ANK1: variants seen among roughly 807,000 people sequenced by gnomAD.
ANK1 encodes the protein ankyrin 1, also known as ankyrin-1.
ANK1 carries 51 observed loss-of-function variants against 210.4 expected under a neutral mutation model. The observed-to-expected ratio is 0.24, with a 90% CI of 0.19 to 0.31. ANK1 has a LOEUF of 0.31. Among genes scored for constraint, ANK1 ranks in the 10% least tolerant of loss-of-function variants. The pLI is 1.00. For synonymous variants in ANK1, 967 were observed against 1,025.9 expected (o/e 0.94, Z 1.10); for missense variants, 2,051 against 2,504.4 (o/e 0.82, Z 3.86).
Position 41,688,566 on chromosome 8 carries a change from TCTC to T in ANK1, c.4125_4127del (p.Arg1377del), listed in dbSNP as rs570599290. ...GCAGGGCCAGGGGCGTCGGGGTCCTTCTCCTATCTTCGGCTCCACTTCCCTGCA... is the reference window on the plus strand; with the variant it reads ...GCAGGGCCAGGGGCGTCGGGGTCCTTCTATCTTCGGCTCCACTTCCCTGCA... On this transcript the variant is annotated inframe_deletion, in exon 34 of 43. Coordinates refer to ENST00000289734, the MANE Select transcript of ANK1 (RefSeq NM_000037.4). The T allele has an allele frequency of 1.1e-5, 17 of 1,614,014 alleles. No individual in the cohort carries two copies. The South Asian group carries it at 1.9e-4, about 18-fold the overall frequency.
intron 20 of ANK1, 91 bp downstream of exon 20, chr8:41,703,950 A>T: frequency 8.2e-7 from 1 of 1,224,896 alleles, no homozygotes; most frequent in Non-Finnish European, 1.2e-6. Flanking sequence ...GGCCCTAGAC[A>T]CGTGCATTAA....
chr8:41,724,873 A>C (rs1830276486), intron 6 of ANK1, among the ~76,000 whole-genome samples: 1 of 152,076 alleles, frequency 6.6e-6, no homozygotes, highest in African/African-American at 2.4e-5. Flanking sequence ...TTTTCCTCCC[A>C]TTTAGACAGG....
chr8:41,827,734 C>CCG (rs1805670216), intron 1 of ANK1, among the ~76,000 whole-genome samples: 2 of 147,892 alleles, frequency 1.4e-5, no homozygotes, highest in African/African-American at 5.0e-5. Context: ...TCACACACAT[C>CCG]CACACACGCA....
intron 1 of ANK1, among the ~76,000 whole-genome samples, chr8:41,862,186 A>C (rs1310805318): frequency 6.6e-6 from 1 of 152,214 alleles, no homozygotes; most frequent in Non-Finnish European, 1.5e-5. Flanking sequence ...CTAGATACAG[A>C]TATACATGAA....
intron 1 of ANK1, among the ~76,000 whole-genome samples, chr8:41,821,274 AAAAT>A (rs1189194260): frequency 2.0e-5 from 3 of 152,234 alleles, no homozygotes; most frequent in African/African-American, 4.8e-5. Flanking sequence ...ATGATATCAA[AAAAT>A]AAATATATAT....
In ANK1 at chr8:41,725,847, C is replaced by T; in HGVS notation, c.526G>A (p.Ala176Thr). 1 of 1,611,944 alleles carries T rather than the reference C, an allele frequency of 6.2e-7. No individual in the cohort carries two copies. Reference protein sequence around the residue: ...YGTKGKVRLPALHIAARNDDT... With the variant: ...YGTKGKVRLPTLHIAARNDDT... ...TCGTTGCGGGCCGCGATGTGCAGGG[C>T]CGGGAGGCGCACCTTCCCCTTGGTG... The change falls in exon 6 of 43, where the codon GCC (alanine) becomes ACC (threonine). Residue 176 changes from alanine to threonine, a missense_variant. Physicochemically the swap from Ala to Thr is moderately conservative, Grantham distance 58. Coordinates refer to ENST00000289734, the MANE Select transcript of ANK1 (RefSeq NM_000037.4).
At chr8:41,748,902 G>A (rs1337970412) in intron 2 of ANK1, among the ~76,000 whole-genome samples, 1 of 152,102 alleles carries the variant, frequency 6.6e-6, no homozygotes, top group Non-Finnish European at 1.5e-5. Context: ...GGGCGTGGTG[G>A]CGGGCACCTG....
intron 1 of ANK1, among the ~76,000 whole-genome samples, chr8:41,802,979 A>AAGAAAGAGAGAAAGAG (rs1400790993): frequency 4.3e-5 from 4 of 92,744 alleles, no homozygotes; most frequent in African/African-American, 7.0e-5. Flanking sequence ...GAGATGAAAA[A>AAGAAAGAGAGAAAGAG]AGAAAGAGAG....
chr8:41,735,501 A>C (rs1355981758), intron 2 of ANK1, among the ~76,000 whole-genome samples: 1 of 151,972 alleles, frequency 6.6e-6, no homozygotes, highest in African/African-American at 2.4e-5. Flanking sequence ...GCTCCAGTTC[A>C]TGAAACAGAT....
chr8:41,836,454 A>G (rs769941343), intron 1 of ANK1, among the ~76,000 whole-genome samples: 60 of 152,330 alleles, frequency 3.9e-4, no homozygotes, highest in Middle Eastern at 6.8e-3. Context: ...CCCTGCTGTG[A>G]GCACAGCCGT....
chr8:41,723,784 T>G (rs922742273), intron 7 of ANK1, 151 bp from the exon 8 acceptor site: 20 of 509,342 alleles, frequency 3.9e-5, no homozygotes, highest in African/African-American at 3.8e-4. Context: ...TATTTTTTTT[T>G]ATTTTTTATT....
chr8:41,729,491 A>G (rs1831560193), intron 3 of ANK1, among the ~76,000 whole-genome samples: 1 of 152,108 alleles, frequency 6.6e-6, no homozygotes, highest in South Asian at 2.1e-4. Flanking sequence ...CCTGGGCTCA[A>G]GCGATCCTCC....
At chr8:41,733,101 A>G (rs907781180) in intron 3 of ANK1, among the ~76,000 whole-genome samples, 2 of 152,244 alleles carry the variant, frequency 1.3e-5, no homozygotes, top group African/African-American at 4.8e-5. Flanking sequence ...ATGTCAGGTA[A>G]AAAATGAAAC....
intron 1 of ANK1, among the ~76,000 whole-genome samples, chr8:41,834,381 G>T (rs1807231016): frequency 6.6e-6 from 1 of 152,264 alleles, no homozygotes; most frequent in Admixed American, 6.5e-5. Context: ...CAGCAAGCTG[G>T]CTAGGAGCAG....
At chr8:41,695,399 G>A (rs761096338) in intron 26 of ANK1, 68 bp from the exon 27 acceptor site, 12 of 1,594,400 alleles carry the variant, frequency 7.5e-6, no homozygotes, top group Admixed American at 1.7e-5. Flanking sequence ...GGGAGGGATG[G>A]GGCTGCCGGC....
intron 1 of ANK1, among the ~76,000 whole-genome samples, chr8:41,864,453 C>A (rs1311465176): frequency 6.6e-6 from 1 of 152,094 alleles, no homozygotes; most frequent in Non-Finnish European, 1.5e-5. Flanking sequence ...TCCTGCCCAC[C>A]ACGAGAGCTG....
At position 41,829,950 on chromosome 8, in the gene ANK1, A is replaced by AAAAAG. The variant is rs1216043493; in HGVS notation, c.126+66404_126+66405insCTTTT. The AAAAAG allele has an allele frequency of 9.2e-5, 14 of 151,376 alleles. 1 individual carries two copies. The highest frequency in any genetic ancestry group is 3.4e-4 in the African/African-American group (14 of 41,126). The allele number at this position is 151,376 out of a possible 1,614,324, so 9.4% of individuals were successfully genotyped here. Reference sequence around the variant, plus strand: ...GACTCTGTCTCAAAAAAAAAAAAAAAAAAAAAAATCTGACGTGACAAGGCC... The same window carrying AAAAAG: ...GACTCTGTCTCAAAAAAAAAAAAAAAAAAAGAAAAAAAATCTGACGTGACAAGGCC... On this transcript the variant is annotated intron_variant, in intron 1 of 42. Coordinates refer to the ANK1 transcript ENST00000265709.
chr8:41,891,820 A>G (rs770412063), intron 1 of ANK1, among the ~76,000 whole-genome samples: 9 of 152,252 alleles, frequency 5.9e-5, no homozygotes, highest in Non-Finnish European at 1.0e-4. Flanking sequence ...CAGGGATACC[A>G]AAGTTGTGAT....
intron 1 of ANK1, among the ~76,000 whole-genome samples, chr8:41,769,634 T>G (rs1031961658): frequency 6.6e-6 from 1 of 152,206 alleles, no homozygotes; most frequent in Non-Finnish European, 1.5e-5. Context: ...GAGGATTAAT[T>G]GACACACTAC....
Sources: allele counts gnomAD v4.1 joint callset (sites outside exome capture counted in the v4.1 genomes callset), GRCh38; gene constraint gnomAD v4.1.1; transcripts MANE v1.5; gene names NCBI Gene and HGNC (gene_info 2026-07-23, HGNC 2026-07-21).